PCDHGA3: variants seen among roughly 807,000 people sequenced by gnomAD.
PCDHGA3 encodes the protein protocadherin gamma subfamily A, 3, also known as protocadherin gamma-A3.
In PCDHGA3, 40 loss-of-function variants were observed where a neutral mutation model predicts 58.5. The observed-to-expected ratio is 0.68, with a 90% CI of 0.53 to 0.89. The LOEUF is 0.89. Ranked by LOEUF, PCDHGA3 falls within the 40% of genes least tolerant of loss-of-function variation. The pLI is 0.00. For synonymous variants in PCDHGA3, 530 were observed against 525.7 expected (o/e 1.01, Z -0.11); for missense variants, 1,223 against 1,195.9 (o/e 1.02, Z -0.33).
chr5:141,408,871 T>C, intron 1 of PCDHGA3: 2 of 1,612,784 alleles, frequency 1.2e-6, no homozygotes, highest in Non-Finnish European at 1.7e-6. Flanking sequence ...CACCAAGAAG[T>C]GCCACCGCTC....
chr5:141,388,992 C>T (rs1310959225), intron 1 of PCDHGA3: 3 of 1,613,834 alleles, frequency 1.9e-6, no homozygotes, highest in African/African-American at 1.3e-5. Flanking sequence ...GCTCAAAGTC[C>T]GTGACAAGGA....
intron 1 of PCDHGA3, chr5:141,383,844 T>C (rs569088165): frequency 2.5e-6 from 4 of 1,613,924 alleles, no homozygotes; most frequent in Non-Finnish European, 3.4e-6. Context: ...CTGCCTTCTA[T>C]GAAATGGAGG....
In PCDHGA3 at chr5:141,491,848, C is replaced by A; in HGVS notation, c.2425-2959C>A. 1 of 1,461,478 alleles carries A rather than the reference C, an allele frequency of 6.8e-7. No homozygotes were observed. Among genetic ancestry groups the A allele is most frequent in the Non-Finnish European group, 9.1e-7 (1 of 1,104,578 alleles). The allele number at this position is 1,461,478 out of a possible 1,614,324, so 90.5% of individuals were successfully genotyped here. A position where few individuals can be genotyped will look rare whatever the true frequency, so the allele number is the denominator to read the frequency against. On this transcript the variant is annotated intron_variant, in intron 1 of 3. Transcript: ENST00000253812. This position sits in a 1 kb window ranked among gnomAD's most constrained non-coding sequence, Gnocchi z 6.9. ...CACCCGATTCTCGGGATCATTGGAC[C>A]GTTTGCGCGAAACCAGAGTGGCCGA...
At chr5:141,445,838 A>T (rs1302150397) in intron 1 of PCDHGA3, among the ~76,000 whole-genome samples, 1 of 152,218 alleles carries the variant, frequency 6.6e-6, no homozygotes, top group South Asian at 2.1e-4. Flanking sequence ...GAGCCTTGTA[A>T]ATCACACTTA....
intron 1 of PCDHGA3, chr5:141,359,946 T>C: frequency 1.9e-6 from 1 of 524,822 alleles, no homozygotes; most frequent in East Asian, 3.2e-5. Context: ...TCGCTGTTGG[T>C]CAAAAGAACG....
At chr5:141,460,829 A>C (rs1242954704) in intron 1 of PCDHGA3, among the ~76,000 whole-genome samples, 1 of 151,944 alleles carries the variant, frequency 6.6e-6, no homozygotes, top group African/African-American at 2.4e-5. Flanking sequence ...ATACACACTT[A>C]AAGTAATGGC....
At position 141,399,929 on chromosome 5, in the gene PCDHGA3, C is replaced by T. The variant is rs746168026; in HGVS notation, c.2424+53472C>T. 15 of 1,612,262 alleles carry T rather than the reference C, an allele frequency of 9.3e-6. No homozygotes were observed. The African/African-American group carries it at 1.1e-4, about 11-fold the overall frequency. On this transcript the variant is annotated intron_variant, in intron 1 of 3. Coordinates refer to ENST00000253812, the MANE Select transcript of PCDHGA3 (RefSeq NM_018916.4). ...GACTCAGGACACAACGCCTGGCTGT[C>T]CTACCACGTGCTGCAGGCTAGCGAG...
intron 1 of PCDHGA3, among the ~76,000 whole-genome samples, chr5:141,358,460 G>C (rs1316337795): frequency 1.3e-5 from 2 of 152,076 alleles, no homozygotes; most frequent in Non-Finnish European, 2.9e-5. Context: ...AAGAATACTG[G>C]CAATTTGTGA....
chr5:141,349,516 C>T (rs1758309028), intron 1 of PCDHGA3, among the ~76,000 whole-genome samples: 1 of 152,122 alleles, frequency 6.6e-6, no homozygotes, highest in African/African-American at 2.4e-5. Context: ...TCCTACTTAA[C>T]TGGAAAGATT....
At chr5:141,478,808 T>C in intron 1 of PCDHGA3, 1 of 1,459,124 alleles carries the variant, frequency 6.9e-7, no homozygotes, top group African/African-American at 1.4e-5. Flanking sequence ...TCTTTTGCTA[T>C]CACAACTAAC....
At chr5:141,508,642 T>A (rs893357826) in intron 3 of PCDHGA3, among the ~76,000 whole-genome samples, 13 of 152,070 alleles carry the variant, frequency 8.5e-5, no homozygotes, top group Admixed American at 2.6e-4. Flanking sequence ...AGCTACTCCG[T>A]CAGGCCCTTC....
Position 141,489,343 on chromosome 5 carries a change from G to A in PCDHGA3, c.2425-5464G>A, listed in dbSNP as rs377697321. On this transcript the variant is annotated intron_variant, in intron 1 of 3. Coordinates refer to ENST00000253812, the MANE Select transcript of PCDHGA3 (RefSeq NM_018916.4). This position sits in a 1 kb window ranked among gnomAD's most constrained non-coding sequence, Gnocchi z 4.5. ...GGTGTCTGGGCAGCTTCGTTACTCA[G>A]TGGTGGAGGAGTCTGAGCCGGGGAC... The A allele has an allele frequency of 5.6e-6, 9 of 1,611,264 alleles. No individual in the cohort carries two copies. Among genetic ancestry groups the A allele is most frequent in the Non-Finnish European group, 7.6e-6 (9 of 1,178,202 alleles).
chr5:141,491,208 C>G lies in PCDHGA3; in HGVS notation c.2425-3599C>G. 6.2e-7 allele frequency: 1 copy of G among 1,614,204 alleles called. No individual in the cohort carries two copies. Among genetic ancestry groups the G allele is most frequent in the Non-Finnish European group, 8.5e-7 (1 of 1,180,026 alleles). ...TGAGGGACAATGGTGACCCTTCACTCTCCTCCACAGCCACAGTGCTGCTGG... is the reference window on the plus strand; with the variant it reads ...TGAGGGACAATGGTGACCCTTCACTGTCCTCCACAGCCACAGTGCTGCTGG... On this transcript the variant is annotated intron_variant, in intron 1 of 3. Coordinates refer to ENST00000253812, the MANE Select transcript of PCDHGA3 (RefSeq NM_018916.4). This position sits in a 1 kb window ranked among gnomAD's most constrained non-coding sequence, Gnocchi z 6.9.
chr5:141,491,612 G>A lies in PCDHGA3; in HGVS notation c.2425-3195G>A, dbSNP rs759955730. ...GACGGCAGTGACTTCACTTTTCTAAGACCCCTCAGCGTTCAGCAGCCCACA... is the reference window on the plus strand; with the variant it reads ...GACGGCAGTGACTTCACTTTTCTAAAACCCCTCAGCGTTCAGCAGCCCACA... On this transcript the variant is annotated intron_variant, in intron 1 of 3. Coordinates refer to ENST00000253812, the MANE Select transcript of PCDHGA3 (RefSeq NM_018916.4). The surrounding 1 kb of genome is among the most constrained non-coding windows in gnomAD (Gnocchi z 6.9). 6.2e-7 allele frequency: 1 copy of A among 1,613,906 alleles called. No individual in the cohort carries two copies. The highest frequency in any genetic ancestry group is 8.5e-7 in the Non-Finnish European group (1 of 1,180,026).
At chr5:141,466,094 C>T (rs1462266046) in intron 1 of PCDHGA3, among the ~76,000 whole-genome samples, 1 of 152,040 alleles carries the variant, frequency 6.6e-6, no homozygotes, top group Non-Finnish European at 1.5e-5. Flanking sequence ...TGCACTCCAG[C>T]CTGGGCAACA....
At chr5:141,387,725 C>A (rs986434485) in intron 1 of PCDHGA3, 2 of 1,183,102 alleles carry the variant, frequency 1.7e-6, no homozygotes, top group Non-Finnish European at 2.3e-6. Context: ...GACTCCCCAG[C>A]GCCAGCCTTT....
intron 1 of PCDHGA3, chr5:141,383,044 GC>G: frequency 1.2e-6 from 2 of 1,613,878 alleles, no homozygotes; most frequent in Non-Finnish European, 8.5e-7. Context: ...GGGAGACATC[GC>G]CAAGGACCTG....
intron 1 of PCDHGA3, chr5:141,413,387 T>A (rs902208287): frequency 1.2e-6 from 2 of 1,613,908 alleles, no homozygotes; most frequent in Non-Finnish European, 1.7e-6. Context: ...GTCCGCATAG[T>A]CTCCAGAGGT....
intron 1 of PCDHGA3, among the ~76,000 whole-genome samples, chr5:141,407,707 G>C (rs894295431): frequency 1.3e-5 from 2 of 151,964 alleles, no homozygotes; most frequent in South Asian, 4.1e-4. Flanking sequence ...TTGAAGGTGG[G>C]GTGATGGCTA....
Sources: allele counts gnomAD v4.1 joint callset (sites outside exome capture counted in the v4.1 genomes callset), GRCh38; gene constraint gnomAD v4.1.1; non-coding constraint Gnocchi (gnomAD v3.1); transcripts MANE v1.5; gene names NCBI Gene and HGNC (gene_info 2026-07-23, HGNC 2026-07-21).